The following CBR4 variants were observed in gnomAD, a reference collection of about 807,000 sequenced individuals.
CBR4 encodes 3-oxoacyl-[acyl-carrier-protein] reductase.
CBR4 carries 22 observed loss-of-function variants against 21.0 expected under a neutral mutation model. The observed-to-expected ratio is 1.05, with a 90% CI of 0.75 to 1.50. The LOEUF is 1.50. Ranked by LOEUF, CBR4 falls within the 40% of genes most tolerant of loss-of-function variation. The pLI is 0.00. For synonymous variants in CBR4, 100 were observed against 104.4 expected (o/e 0.96, Z 0.26); for missense variants, 302 against 286.3 (o/e 1.05, Z -0.40).
At chr4:168,920,943 C>A (rs1172535152) in intron 2 of CBR4, among the ~76,000 whole-genome samples, 3 of 152,168 alleles carry the variant, frequency 2.0e-5, no homozygotes, top group Admixed American at 6.5e-5. Context: ...TCCCATTAAT[C>A]TCCATAGCCC....
chr4:168,995,213 C>T (rs1765134610), intron 4 of CBR4, among the ~76,000 whole-genome samples: 1 of 152,178 alleles, frequency 6.6e-6, no homozygotes, highest in South Asian at 2.1e-4. Context: ...GGTTAGAATA[C>T]TTCCAATTCA....
At chr4:168,951,914 G>A (rs1156251637) in intron 2 of CBR4, among the ~76,000 whole-genome samples, 1 of 152,162 alleles carries the variant, frequency 6.6e-6, no homozygotes, top group Admixed American at 6.5e-5. Flanking sequence ...TTTTTGCGAT[G>A]AATTTCCCAG....
chr4:168,961,938 C>T (rs1319290062), intron 2 of CBR4, among the ~76,000 whole-genome samples: 1 of 100,188 alleles, frequency 1.0e-5, no homozygotes, highest in Non-Finnish European at 1.9e-5. Flanking sequence ...AAGAGGAGAG[C>T]ACAGGAGAGG....
intron 2 of CBR4, among the ~76,000 whole-genome samples, chr4:168,976,181 G>A (rs773592733): frequency 4.6e-5 from 7 of 152,188 alleles, no homozygotes; most frequent in African/African-American, 7.2e-5. Flanking sequence ...TCAGCTAGGA[G>A]GTTCCTTCAC....
intron 3 of CBR4, among the ~76,000 whole-genome samples, chr4:169,003,030 T>G (rs1730589080): frequency 6.6e-6 from 1 of 152,214 alleles, no homozygotes; most frequent in African/African-American, 2.4e-5. Context: ...GATGGATATG[T>G]ACAAGGAGAT....
chr4:168,986,656 T>G (rs548496928), downstream of CBR4, among the ~76,000 whole-genome samples: 3 of 152,244 alleles, frequency 2.0e-5, no homozygotes, highest in South Asian at 6.2e-4. Flanking sequence ...CTTAAGAATT[T>G]TTCCTGGCCG....
chr4:168,901,978 T>C (rs1756623259), intron 2 of CBR4, among the ~76,000 whole-genome samples: 1 of 152,226 alleles, frequency 6.6e-6, no homozygotes. Context: ...GATTCTAGAG[T>C]TTAATACGTA....
intron 2 of CBR4, among the ~76,000 whole-genome samples, chr4:168,934,902 T>C (rs1309966660): frequency 6.6e-6 from 1 of 152,004 alleles, no homozygotes; most frequent in African/African-American, 2.4e-5. Context: ...CAGACCAATA[T>C]CCCTAATGAA....
rs1168353038 is a variant in CBR4 at position 168,989,625 on chromosome 4, A to C, written c.*525T>G. On this transcript the variant is annotated 3_prime_UTR_variant, in exon 5 of 5. Coordinates refer to ENST00000306193, the MANE Select transcript of CBR4 (RefSeq NM_032783.5). ...ACTCTTATTTTGGCAACAGCCCACA[A>C]GGTTAACTTTTAGAAAATTCAGCTT... The C allele has an allele frequency of 1.0e-6, 1 of 985,070 alleles. No individual in the cohort carries two copies. The highest frequency in any genetic ancestry group is 1.2e-6 in the Non-Finnish European group (1 of 829,684). The allele number at this position is 985,070 out of a possible 1,614,324, so 61.0% of individuals were successfully genotyped here.
At chr4:168,945,611 T>A (rs1763377533) in intron 2 of CBR4, among the ~76,000 whole-genome samples, 1 of 152,148 alleles carries the variant, frequency 6.6e-6, no homozygotes, top group Non-Finnish European at 1.5e-5. Context: ...TCCTTCCCCG[T>A]GTGAGAATGA....
chr4:168,932,927 CAA>C (rs1361071729), intron 2 of CBR4, among the ~76,000 whole-genome samples: 5 of 152,036 alleles, frequency 3.3e-5, no homozygotes, highest in Admixed American at 1.3e-4. Flanking sequence ...AAGAAACACT[CAA>C]GAGAGTTTTA....
chr4:168,900,152 CACTT>C (rs1756180230), intron 2 of CBR4, among the ~76,000 whole-genome samples: 1 of 152,148 alleles, frequency 6.6e-6, no homozygotes, highest in Admixed American at 6.5e-5. Flanking sequence ...AGCAAGAACT[CACTT>C]ACCACCAAGG....
In CBR4 at chr4:168,988,449, G is replaced by A. The variant is rs945844854; in HGVS notation, c.*1701C>T. 2.5e-5 allele frequency: 25 copies of A among 985,258 alleles called. No individual in the cohort carries two copies. The highest frequency in any genetic ancestry group is 3.0e-5 in the Non-Finnish European group (25 of 829,944). The allele number at this position is 985,258 out of a possible 1,614,324, so 61.0% of individuals were successfully genotyped here. A position where few individuals can be genotyped will look rare whatever the true frequency, so the allele number is the denominator to read the frequency against. On this transcript the variant is annotated 3_prime_UTR_variant, in exon 5 of 5. Transcript: ENST00000306193. ...ATGATTTCAGAGCATAAGGTGTCCA[G>A]AGAAGAAAACTCAAGACTGAATGGG...
chr4:168,899,682 C>T (rs1033186670), intron 2 of CBR4, among the ~76,000 whole-genome samples: 1 of 151,966 alleles, frequency 6.6e-6, no homozygotes, highest in African/African-American at 2.4e-5. Flanking sequence ...TTTGCGAGGC[C>T]GAGATGGGTG....
intron 1 of CBR4, among the ~76,000 whole-genome samples, chr4:169,008,099 T>C (rs1197318035): frequency 6.6e-6 from 1 of 152,244 alleles, no homozygotes; most frequent in Non-Finnish European, 1.5e-5. Flanking sequence ...GACAGTCTTC[T>C]GGGTTTTATA....
At chr4:168,949,789 G>A (rs544401303) in intron 2 of CBR4, among the ~76,000 whole-genome samples, 2 of 151,948 alleles carry the variant, frequency 1.3e-5, no homozygotes, top group East Asian at 1.9e-4. Flanking sequence ...TTTTAATCTC[G>A]CTGCTTGTTA....
intron 3 of CBR4, among the ~76,000 whole-genome samples, chr4:169,003,676 A>C (rs1188829684): frequency 6.6e-6 from 1 of 152,022 alleles, no homozygotes; most frequent in African/African-American, 2.4e-5. Flanking sequence ...ATTTTGTCTT[A>C]TTCTAAGACT....
chr4:168,943,649 C>A (rs1488350871), intron 2 of CBR4, among the ~76,000 whole-genome samples: 3 of 152,158 alleles, frequency 2.0e-5, no homozygotes, highest in Non-Finnish European at 2.9e-5. Flanking sequence ...GTGGCTCATG[C>A]CTGTAATTCC....
At chr4:168,962,377 T>C (rs1166070063) in intron 2 of CBR4, among the ~76,000 whole-genome samples, 3 of 152,190 alleles carry the variant, frequency 2.0e-5, no homozygotes, top group Admixed American at 2.0e-4. Context: ...ACCACGTCAA[T>C]GGATATCAGG....
Sources: allele counts gnomAD v4.1 joint callset (sites outside exome capture counted in the v4.1 genomes callset), GRCh38; gene constraint gnomAD v4.1.1; transcripts MANE v1.5; gene names NCBI Gene and HGNC (gene_info 2026-07-23, HGNC 2026-07-21).